Variants in UVSSA observed in about 807,000 individuals in gnomAD.
UVSSA encodes the protein UV-stimulated scaffold protein A.
Under a neutral mutation model 73.9 loss-of-function variants are expected in UVSSA, and 72 were observed. That is an observed-to-expected ratio of 0.97 (90% CI 0.81 to 1.19). The LOEUF (loss-of-function observed/expected upper bound fraction) is 1.19. Among genes scored for constraint, UVSSA ranks in the 50% most tolerant of loss-of-function variants. The pLI, the probability that UVSSA is intolerant of heterozygous loss-of-function variation, is 0.00. For missense variants in UVSSA, 1,150 were observed against 965.0 expected, an observed-to-expected ratio of 1.19 and a Z score of -2.54; for synonymous variants, 454 against 391.3, an observed-to-expected ratio of 1.16 and a Z score of -1.89.
exon 14 of UVSSA, chr4:1,395,582 C>T: frequency 6.3e-7 from 1 of 1,597,294 alleles, no homozygotes; most frequent in Non-Finnish European, 8.5e-7. Flanking sequence ...TCACACGTGC[C>T]CATGTGGAGT....
intron 10 of UVSSA, among the ~76,000 whole-genome samples, chr4:1,378,133 C>T (rs1396142224): frequency 6.6e-6 from 1 of 152,188 alleles, no homozygotes; most frequent in African/African-American, 2.4e-5. Context: ...CCCCTTTCAT[C>T]CAGGAGGTCA....
Position 1,380,745 on chromosome 4 carries a change from C to T in UVSSA, c.1753-135C>T, listed in dbSNP as rs1185353318. ...CCCTCCTCTGAGGGGCGCGTGATTCCAGGTTGTGTACACTTTGGCTCTGTG... is the reference window on the plus strand; with the variant it reads ...CCCTCCTCTGAGGGGCGCGTGATTCTAGGTTGTGTACACTTTGGCTCTGTG... On this transcript the variant is annotated intron_variant, in intron 11 of 13. Transcript: ENST00000389851. The T allele has an allele frequency of 7.0e-6, 11 of 1,563,372 alleles. No individual in the cohort carries two copies. In the South Asian group the frequency reaches 1.1e-4, roughly 15 times the overall value.
chr4:1,353,498 G>GCCTGGGGATGCAGGGGCCTCC, intron 5 of UVSSA, 85 bp downstream of exon 5: 1 of 1,425,382 alleles, frequency 7.0e-7, no homozygotes, highest in Non-Finnish European at 9.2e-7. Context: ...CGGCCCAGGA[G>GCCTGGGGATGCAGGGGCCTCC]CCTGGGGATG....
rs34649776 is a variant in UVSSA, at chr4:1,349,426, C to A, written c.99-98C>A. On this transcript the variant is annotated intron_variant, in intron 2 of 13. Transcript: ENST00000389851. Reference sequence around the variant, plus strand: ...ATGAAGATGGGAAGGCAGTGGTGGTCCCTGCCACACGTGCGTGCGGCATCC... The same window carrying A: ...ATGAAGATGGGAAGGCAGTGGTGGTACCTGCCACACGTGCGTGCGGCATCC... 45 of 1,180,342 alleles carry A rather than the reference C, an allele frequency of 3.8e-5. No individual in the cohort carries two copies. The South Asian group carries it at 6.7e-4, about 18-fold the overall frequency. 73.1% of individuals were successfully genotyped at this position (1,180,342 alleles called of 1,614,324 possible). A position where few individuals can be genotyped will look rare whatever the true frequency, so the allele number is the denominator to read the frequency against.
At chr4:1,345,644 C>CAA (rs71168831), upstream of UVSSA, among the ~76,000 whole-genome samples, 125 of 55,940 alleles carry the variant, frequency 2.2e-3, 11 homozygotes, top group African/African-American at 4.0e-3. Flanking sequence ...GACTTTGTCT[C>CAA]AAAAAAAAAA....
At chr4:1,343,997 AT>A (rs913292032), upstream of UVSSA, among the ~76,000 whole-genome samples, 3 of 149,808 alleles carry the variant, frequency 2.0e-5, no homozygotes, top group Non-Finnish European at 4.4e-5. Flanking sequence ...GATTGACAGT[AT>A]TTTTTCTTTT....
At chr4:1,391,659 C>T (rs1447231921), downstream of UVSSA, 1 of 151,760 alleles carries the variant, frequency 6.6e-6, no homozygotes, top group African/African-American at 2.4e-5. Flanking sequence ...CTTTAACTTT[C>T]ATTGTATCTC....
intron 8 of UVSSA, among the ~76,000 whole-genome samples, chr4:1,369,730 G>A (rs999055782): frequency 5.9e-5 from 9 of 152,238 alleles, no homozygotes; most frequent in African/African-American, 1.9e-4. Context: ...TCCTACCATC[G>A]ATTCCCTCCC....
intron 3 of UVSSA, among the ~76,000 whole-genome samples, chr4:1,350,846 C>T (rs1289640670): frequency 1.3e-5 from 2 of 151,890 alleles, no homozygotes; most frequent in Non-Finnish European, 2.9e-5. Context: ...TTTTGTTAGG[C>T]CTACTTGAGC....
intron 8 of UVSSA, among the ~76,000 whole-genome samples, chr4:1,374,347 G>A (rs929510231): frequency 1.3e-5 from 2 of 152,234 alleles, no homozygotes; most frequent in Non-Finnish European, 2.9e-5. Context: ...CAGCTTAGCC[G>A]CTAGGGAGTA....
At position 1,386,756 on chromosome 4, in the gene UVSSA, T is replaced by C. The variant is rs1469028962; in HGVS notation, c.*795T>C. ...TCCTTTTAGAGATGGGCTTTTGCTCTTACCCAGGCTGAGTGCAGTGGCAGA... is the reference window on the plus strand; with the variant it reads ...TCCTTTTAGAGATGGGCTTTTGCTCCTACCCAGGCTGAGTGCAGTGGCAGA... On this transcript the variant is annotated 3_prime_UTR_variant, in exon 14 of 14. Coordinates refer to ENST00000389851, the MANE Select transcript of UVSSA (RefSeq NM_020894.4). 6.6e-6 allele frequency: 1 copy of C among 152,150 alleles called. No individual in the cohort carries two copies. The highest frequency in any genetic ancestry group is 2.4e-5 in the African/African-American group (1 of 41,412). The allele number at this position is 152,150 out of a possible 1,614,324, so 9.4% of individuals were successfully genotyped here.
rs1012573001 is a variant in UVSSA, at chr4:1,347,527, C to G, written c.-236C>G. 1.3e-5 allele frequency: 2 copies of G among 152,534 alleles called. No individual in the cohort carries two copies. The highest frequency in any genetic ancestry group is 2.9e-5 in the Non-Finnish European group (2 of 68,216). The allele number at this position is 152,534 out of a possible 1,614,324, so 9.4% of individuals were successfully genotyped here. A position where few individuals can be genotyped will look rare whatever the true frequency, so the allele number is the denominator to read the frequency against. On this transcript the variant is annotated 5_prime_UTR_variant, in exon 1 of 14. Coordinates refer to ENST00000389851, the MANE Select transcript of UVSSA (RefSeq NM_020894.4). ...GAGTAGGGCGCAGCTTCCCAGCCTC[C>G]GCCCCGGCCTCGCCTGGCGCTTCCT... is the stretch of plus-strand genomic sequence containing the variant.
intron 7 of UVSSA, among the ~76,000 whole-genome samples, chr4:1,361,938 C>T (rs553850946): frequency 6.6e-6 from 1 of 151,798 alleles, no homozygotes; most frequent in Non-Finnish European, 1.5e-5. Flanking sequence ...TAATTGAGAC[C>T]GCGTACCAAG....
chr4:1,358,372 G>C (rs1716101855), intron 7 of UVSSA: 1 of 152,332 alleles, frequency 6.6e-6, no homozygotes, highest in Non-Finnish European at 1.5e-5. Context: ...GATTGAGGAT[G>C]TCACAGCTCC....
chr4:1,349,788 TGAG>T lies in UVSSA; in HGVS notation c.364_366del (p.Glu122del). Reference sequence around the variant, plus strand: ...CCACCCGGGCCGTGGAAGGGTGGAATGAGAAGTTTGGGGAGGCCTACAAGAAGC... The same window carrying T: ...CCACCCGGGCCGTGGAAGGGTGGAATAAGTTTGGGGAGGCCTACAAGAAGC... On this transcript the variant is annotated inframe_deletion, in exon 3 of 14. Transcript: ENST00000389851. 6.9e-6 allele frequency: 11 copies of T among 1,601,118 alleles called. No individual in the cohort carries two copies. The highest frequency in any genetic ancestry group is 9.4e-6 in the Non-Finnish European group (11 of 1,172,300).
At chr4:1,359,766 A>C (rs1716355129) in intron 7 of UVSSA, among the ~76,000 whole-genome samples, 1 of 151,674 alleles carries the variant, frequency 6.6e-6, no homozygotes, top group African/African-American at 2.4e-5. Context: ...TGCCTCCTCC[A>C]CCGGCCTCAC....
At chr4:1,395,934 C>T (rs1003290305) in exon 14 of UVSSA, 17 of 1,541,538 alleles carry the variant, frequency 1.1e-5, no homozygotes, top group East Asian at 9.0e-5. Flanking sequence ...TGGTGCTTTT[C>T]GTATCAGACC....
In UVSSA at chr4:1,381,987, C is replaced by A. The variant is rs573412268; in HGVS notation, c.1861+999C>A. Among the ~76,000 whole-genome samples, 76 of 152,298 alleles carry A rather than the reference C, an allele frequency of 5.0e-4. 1 individual carries two copies. The highest frequency in any genetic ancestry group is 1.8e-3 in the African/African-American group (75 of 41,580). On this transcript the variant is annotated intron_variant, in intron 12 of 13. Transcript: ENST00000389851. Reference sequence around the variant, plus strand: ...CGGTCCCTTCTGGAGAGTGGCCACACCTGCAGGCCTGGCCCTGGCCCGAAG... The same window carrying A: ...CGGTCCCTTCTGGAGAGTGGCCACAACTGCAGGCCTGGCCCTGGCCCGAAG...
At position 1,353,346 on chromosome 4, in the gene UVSSA, C is replaced by T. The variant is rs200424814; in HGVS notation, c.867C>T (p.Leu289=). 1.2e-4 allele frequency: 194 copies of T among 1,610,448 alleles called. 1 individual carries two copies. In the East Asian group the frequency reaches 3.2e-3, roughly 26 times the overall value. ...DPSDEDEDSD[L]EEFVRSHGLG... ...CAGATGAGGACGAGGACAGCGACCTCGAGGAGTTTGTGCGGAGCCACGGGC... is the reference window on the plus strand; with the variant it reads ...CAGATGAGGACGAGGACAGCGACCTTGAGGAGTTTGTGCGGAGCCACGGGC... Residue 289 remains leucine (L), a synonymous_variant, in exon 5 of 14, where the codon CTC becomes CTT. Coordinates refer to ENST00000389851, the MANE Select transcript of UVSSA (RefSeq NM_020894.4).
Sources: allele counts gnomAD v4.1 joint callset (sites outside exome capture counted in the v4.1 genomes callset), GRCh38; gene constraint gnomAD v4.1.1; transcripts MANE v1.5; gene names NCBI Gene and HGNC (gene_info 2026-07-23, HGNC 2026-07-21).